Variants in WDR70 observed in about 807,000 individuals in gnomAD.
WDR70 encodes the protein WD repeat domain 70.
Under a neutral mutation model 88.6 loss-of-function variants are expected in WDR70, and 53 were observed. That is an observed-to-expected ratio of 0.60 (90% CI 0.48 to 0.75). The LOEUF (loss-of-function observed/expected upper bound fraction) is 0.75. Among genes scored for constraint, WDR70 ranks in the 30% least tolerant of loss-of-function variants. WDR70 has a pLI of 0.00. For synonymous variants in WDR70, 280 were observed against 270.0 expected (o/e 1.04, Z -0.36); for missense variants, 610 against 823.2 (o/e 0.74, Z 3.17).
chr5:37,679,618 G>T (rs1335387779), intron 10 of WDR70, among the ~76,000 whole-genome samples: 1 of 152,192 alleles, frequency 6.6e-6, no homozygotes, highest in Non-Finnish European at 1.5e-5. Flanking sequence ...GTACCCGGCC[G>T]TGTGAGGTGT....
intron 17 of WDR70, among the ~76,000 whole-genome samples, chr5:37,734,766 G>A (rs1748251112): frequency 6.6e-6 from 1 of 152,092 alleles, no homozygotes; most frequent in African/African-American, 2.4e-5. Context: ...ATCCCATGCA[G>A]CGAACACAAG....
intron 8 of WDR70, among the ~76,000 whole-genome samples, chr5:37,486,584 A>T (rs1201179011): frequency 4.6e-5 from 7 of 152,058 alleles, no homozygotes; most frequent in African/African-American, 1.4e-4. Flanking sequence ...ACCTCATGTG[A>T]TCCGCCTGCC....
intron 7 of WDR70, among the ~76,000 whole-genome samples, chr5:37,448,991 C>T (rs866331488): frequency 7.9e-5 from 12 of 152,266 alleles, no homozygotes; most frequent in South Asian, 6.2e-4. Context: ...TACATCATAT[C>T]GGGGTACTTC....
At chr5:37,461,057 A>G (rs1448094429) in intron 7 of WDR70, among the ~76,000 whole-genome samples, 3 of 150,618 alleles carry the variant, frequency 2.0e-5, no homozygotes, top group South Asian at 4.2e-4. Context: ...GTGTGTGTGC[A>G]TATCTATTGT....
intron 5 of WDR70, among the ~76,000 whole-genome samples, chr5:37,415,379 C>G (rs1436919323): frequency 3.0e-5 from 4 of 132,234 alleles, no homozygotes; most frequent in African/African-American, 5.0e-5. Context: ...CACCCCTCAC[C>G]TCCCGGACGG....
intron 5 of WDR70, among the ~76,000 whole-genome samples, chr5:37,430,257 G>C (rs1443405273): frequency 6.6e-6 from 1 of 152,156 alleles, no homozygotes; most frequent in African/African-American, 2.4e-5. Context: ...GAGAAAGGGA[G>C]TGATAAGATG....
At position 37,721,140 on chromosome 5, in the gene WDR70, C is replaced by T; in HGVS notation, c.1442C>T (p.Pro481Leu). Residue 481 changes from proline to leucine, a missense_variant, in exon 14 of 18, where the codon CCA becomes CTA. This residue lies in a region of WDR70 where 254 missense variants were observed against 300.7 expected (regional missense o/e 0.84). Transcript: ENST00000265107. ...DASVVRCLWH[P>L]KLNQIMVGTG... ...AGTGTTGTTCGCTGCCTGTGGCATC[C>T]AAAGCTGAACCAGATCATGGTTGGA... 1 of 1,613,708 alleles carries T rather than the reference C, an allele frequency of 6.2e-7. No individual in the cohort carries two copies. Among genetic ancestry groups the T allele is most frequent in the Non-Finnish European group, 8.5e-7 (1 of 1,179,756 alleles).
intron 9 of WDR70, among the ~76,000 whole-genome samples, chr5:37,588,939 A>G (rs552816238): frequency 7.2e-5 from 11 of 151,750 alleles, no homozygotes; most frequent in African/African-American, 2.7e-4. Flanking sequence ...TAATTTTTGT[A>G]TTTTTAGTGG....
At chr5:37,432,963 A>T (rs1011602741) in intron 5 of WDR70, among the ~76,000 whole-genome samples, 2 of 152,014 alleles carry the variant, frequency 1.3e-5, no homozygotes, top group Admixed American at 6.6e-5. Flanking sequence ...TATATATAAG[A>T]TTTGCGCAAA....
intron 2 of WDR70, among the ~76,000 whole-genome samples, chr5:37,380,333 C>T (rs4869500): frequency 0.97 from 147,784 of 152,182 alleles, 71,922 homozygotes; most frequent in East Asian, 1. Context: ...TCTGTAGTTT[C>T]TCTATTCATT....
chr5:37,427,457 C>T (rs903197879), intron 5 of WDR70, among the ~76,000 whole-genome samples: 6 of 151,902 alleles, frequency 3.9e-5, no homozygotes, highest in African/African-American at 7.3e-5. Flanking sequence ...CACACATAGA[C>T]GTGTATATGT....
intron 8 of WDR70, among the ~76,000 whole-genome samples, chr5:37,499,668 C>T (rs1187723940): frequency 6.7e-6 from 1 of 149,890 alleles, no homozygotes; most frequent in Non-Finnish European, 1.5e-5. Flanking sequence ...TGGGCTCAAA[C>T]GATCCTCCCA....
At chr5:37,577,942 G>T (rs1743105593) in intron 9 of WDR70, among the ~76,000 whole-genome samples, 1 of 152,150 alleles carries the variant, frequency 6.6e-6, no homozygotes, top group African/African-American at 2.4e-5. Flanking sequence ...AGAGGGATTG[G>T]TACATTTACC....
At chr5:37,529,072 A>G (rs1741401790) in intron 9 of WDR70, among the ~76,000 whole-genome samples, 1 of 152,092 alleles carries the variant, frequency 6.6e-6, no homozygotes, top group Non-Finnish European at 1.5e-5. Context: ...CATTTATTGA[A>G]TAGAGTGTCT....
chr5:37,550,761 T>G (rs918498006), intron 9 of WDR70, among the ~76,000 whole-genome samples: 1 of 152,178 alleles, frequency 6.6e-6, no homozygotes, highest in African/African-American at 2.4e-5. Context: ...AAGTAAGGAC[T>G]TGTTCCTGCC....
At chr5:37,630,343 G>A (rs1279403491) in intron 10 of WDR70, among the ~76,000 whole-genome samples, 1 of 152,172 alleles carries the variant, frequency 6.6e-6, no homozygotes, top group Non-Finnish European at 1.5e-5. Flanking sequence ...TCAACAGTCT[G>A]CAATGTTTCC....
At chr5:37,717,930 G>A (rs1747697584) in intron 13 of WDR70, among the ~76,000 whole-genome samples, 1 of 152,192 alleles carries the variant, frequency 6.6e-6, no homozygotes, top group Admixed American at 6.5e-5. Context: ...TAGAATCCTT[G>A]TAGTATTTGA....
chr5:37,643,091 T>A (rs1382592565), intron 10 of WDR70, among the ~76,000 whole-genome samples: 2 of 152,120 alleles, frequency 1.3e-5, no homozygotes, highest in African/African-American at 2.4e-5. Flanking sequence ...GTTTCCCTAG[T>A]GTTTTCTTGT....
intron 5 of WDR70, among the ~76,000 whole-genome samples, chr5:37,434,137 T>C (rs561259745): frequency 6.6e-6 from 1 of 152,200 alleles, no homozygotes; most frequent in African/African-American, 2.4e-5. Flanking sequence ...AAACACCTTC[T>C]TCATAGGGTG....
Sources: gnomAD v4.1 joint callset for allele counts (sites outside exome capture counted in the v4.1 genomes callset) on GRCh38, gnomAD v4.1.1 for gene constraint, gnomAD v4.1.1 regional missense constraint, MANE v1.5 for transcripts, NCBI Gene and HGNC (gene_info 2026-07-23, HGNC 2026-07-21) for gene names.